CNTNAP2: variants seen among roughly 807,000 people sequenced by gnomAD.
CNTNAP2 encodes the protein contactin associated protein 2.
A neutral mutation model predicts 155.2 loss-of-function variants in CNTNAP2; 98 were observed. The observed-to-expected ratio is 0.63, with a 90% CI of 0.54 to 0.75. CNTNAP2 has a LOEUF of 0.75. CNTNAP2 is among the 30% of genes least tolerant of loss of function. The pLI is 0.00. For missense variants in CNTNAP2, 1,727 were observed against 1,688.1 expected, an observed-to-expected ratio of 1.02 and a Z score of -0.40; for synonymous variants, 651 against 631.2, an observed-to-expected ratio of 1.03 and a Z score of -0.47.
At chr7:147,511,421 CT>C (rs1300813751) in intron 11 of CNTNAP2, among the ~76,000 whole-genome samples, 2 of 149,128 alleles carry the variant, frequency 1.3e-5, no homozygotes, top group Non-Finnish European at 3.0e-5. Context: ...AGCCGATTTT[CT>C]TTTTTAATGA....
chr7:146,702,712 T>C (rs1170580592), intron 1 of CNTNAP2, among the ~76,000 whole-genome samples: 5 of 152,316 alleles, frequency 3.3e-5, no homozygotes, highest in Admixed American at 6.5e-5. Context: ...ATCTGGAAAC[T>C]CATTTAGGTG....
At chr7:147,396,437 A>C (rs1192163762) in intron 10 of CNTNAP2, among the ~76,000 whole-genome samples, 1 of 151,952 alleles carries the variant, frequency 6.6e-6, no homozygotes, top group Non-Finnish European at 1.5e-5. Flanking sequence ...TCAGTGTGCA[A>C]GATGGGTATT....
chr7:146,377,015 A>T (rs955790597), intron 1 of CNTNAP2, among the ~76,000 whole-genome samples: 12 of 152,158 alleles, frequency 7.9e-5, no homozygotes, highest in Non-Finnish European at 1.5e-4. Flanking sequence ...AAATGTGAGA[A>T]AATAAATTTC....
chr7:146,459,746 G>T (rs1451377984), intron 1 of CNTNAP2, among the ~76,000 whole-genome samples: 3 of 152,154 alleles, frequency 2.0e-5, no homozygotes. Context: ...GGAGGCAGAT[G>T]AATTGCTTGA....
intron 13 of CNTNAP2, among the ~76,000 whole-genome samples, chr7:147,861,610 A>C (rs996332896): frequency 6.6e-6 from 1 of 152,222 alleles, no homozygotes; most frequent in South Asian, 2.1e-4. Flanking sequence ...CCATTGCATT[A>C]TAGAATCATT....
rs140306812 is a variant in CNTNAP2 at position 148,062,597 on chromosome 7, G to A, written c.2384-55521G>A. 3.0e-3 allele frequency among the ~76,000 whole-genome samples: 451 copies of A among 152,220 alleles called. 1 individual carries two copies. Among genetic ancestry groups the A allele is most frequent in the African/African-American group, 0.01 (421 of 41,560 alleles). On this transcript the variant is annotated intron_variant, in intron 15 of 23. Coordinates refer to ENST00000361727, the MANE Select transcript of CNTNAP2 (RefSeq NM_014141.6). Reference sequence around the variant, plus strand: ...CATTCTTCTAAGATATAAATGAAATGTTTAAAACATTTATGACTTTCTAGG... The same window carrying A: ...CATTCTTCTAAGATATAAATGAAATATTTAAAACATTTATGACTTTCTAGG...
intron 10 of CNTNAP2, among the ~76,000 whole-genome samples, chr7:147,396,129 TA>T (rs1001707472): frequency 2.0e-5 from 3 of 147,850 alleles, no homozygotes; most frequent in Admixed American, 6.8e-5. Flanking sequence ...ATATATTGTA[TA>T]TATAGCATAT....
At chr7:147,717,309 C>T (rs1796495462) in intron 13 of CNTNAP2, among the ~76,000 whole-genome samples, 1 of 152,104 alleles carries the variant, frequency 6.6e-6, no homozygotes, top group Admixed American at 6.6e-5. Context: ...TCCCGAGGCG[C>T]AGCATTGTAA....
chr7:147,792,431 A>G (rs958340177), intron 13 of CNTNAP2, among the ~76,000 whole-genome samples: 1 of 152,128 alleles, frequency 6.6e-6, no homozygotes, highest in Non-Finnish European at 1.5e-5. Context: ...AATCATTGCA[A>G]TATGTGGCAT....
intron 10 of CNTNAP2, among the ~76,000 whole-genome samples, chr7:147,406,249 T>C (rs938279029): frequency 1.3e-5 from 2 of 152,174 alleles, no homozygotes; most frequent in Admixed American, 6.5e-5. Flanking sequence ...ATCACATTGT[T>C]ATCTGGTTTA....
In CNTNAP2 at chr7:146,884,351, A is replaced by C. The variant is rs566664212; in HGVS notation, c.402+44447A>C. Reference sequence around the variant, plus strand: ...TTGCATATTATTTATTTGCAGGTACATTGCAGCTAAAATTGGAGGAAGAAT... The same window carrying C: ...TTGCATATTATTTATTTGCAGGTACCTTGCAGCTAAAATTGGAGGAAGAAT... On this transcript the variant is annotated intron_variant, in intron 3 of 23. Transcript: ENST00000361727. 3.0e-3 allele frequency among the ~76,000 whole-genome samples: 457 copies of C among 152,280 alleles called. 5 individuals are homozygous for C. Among genetic ancestry groups the C allele is most frequent in the African/African-American group, 9.8e-3 (408 of 41,568 alleles).
chr7:147,022,219 A>G (rs1171932061), intron 3 of CNTNAP2, among the ~76,000 whole-genome samples: 2 of 152,118 alleles, frequency 1.3e-5, no homozygotes, highest in Non-Finnish European at 2.9e-5. Context: ...ATTTCATTGT[A>G]AGAGTTCAGT....
chr7:148,326,641 C>T (rs988752110), intron 21 of CNTNAP2, among the ~76,000 whole-genome samples: 11 of 151,814 alleles, frequency 7.2e-5, no homozygotes, highest in East Asian at 1.9e-4. Flanking sequence ...CCAAGGCGGG[C>T]GGATCATGAG....
In CNTNAP2 at chr7:147,604,577, A is replaced by G. The variant is rs75863301; in HGVS notation, c.1898-34529A>G. Reference sequence around the variant, plus strand: ...CTGGAGCCTGCTACTTCTCTGCCCCACCCACTTTGCTTCTCTGCTCTTCAT... The same window carrying G: ...CTGGAGCCTGCTACTTCTCTGCCCCGCCCACTTTGCTTCTCTGCTCTTCAT... On this transcript the variant is annotated intron_variant, in intron 12 of 23. Transcript: ENST00000361727. Among the ~76,000 whole-genome samples the G allele has an allele frequency of 4.0e-4, 61 of 152,158 alleles. 1 individual carries two copies. In the East Asian group the frequency reaches 0.01, roughly 26 times the overall value.
chr7:147,495,212 G>A (rs188823807), intron 11 of CNTNAP2, among the ~76,000 whole-genome samples: 7 of 152,294 alleles, frequency 4.6e-5, no homozygotes, highest in Admixed American at 3.3e-4. Context: ...TTGGGAAGAC[G>A]TTCAAGCAGG....
chr7:147,031,960 T>C (rs923530234), intron 3 of CNTNAP2, among the ~76,000 whole-genome samples: 1 of 152,106 alleles, frequency 6.6e-6, no homozygotes, highest in African/African-American at 2.4e-5. Context: ...ATCAGAAAAG[T>C]GTATACACAC....
intron 3 of CNTNAP2, among the ~76,000 whole-genome samples, chr7:146,990,089 A>G (rs1200413528): frequency 2.0e-5 from 3 of 152,084 alleles, no homozygotes; most frequent in African/African-American, 2.4e-5. Flanking sequence ...ATAAAAAAAA[A>G]GGGGTTGAGG....
intron 3 of CNTNAP2, among the ~76,000 whole-genome samples, chr7:146,935,041 C>T (rs1186224244): frequency 6.6e-6 from 1 of 152,176 alleles, no homozygotes; most frequent in Non-Finnish European, 1.5e-5. Flanking sequence ...TGTTCATGAC[C>T]TTGTGTTCAT....
intron 3 of CNTNAP2, among the ~76,000 whole-genome samples, chr7:147,002,216 C>T (rs1189004164): frequency 6.6e-6 from 1 of 151,874 alleles, no homozygotes; most frequent in African/African-American, 2.4e-5. Flanking sequence ...AGAGAATGTC[C>T]AGCCAAATGG....
Sources: allele counts gnomAD v4.1 joint callset (sites outside exome capture counted in the v4.1 genomes callset), GRCh38; gene constraint gnomAD v4.1.1; transcripts MANE v1.5; gene names NCBI Gene and HGNC (gene_info 2026-07-23, HGNC 2026-07-21).